Variants in MACROD2 observed in about 807,000 individuals in gnomAD.
MACROD2 encodes the protein ADP-ribose glycohydrolase MACROD2.
A neutral mutation model predicts 70.4 loss-of-function variants in MACROD2; 36 were observed. The ratio of observed to expected loss-of-function variants is 0.51; its 90% CI spans 0.39 to 0.68. The LOEUF (loss-of-function observed/expected upper bound fraction) is 0.68, where lower values mean the gene tolerates loss of function less well. MACROD2 is among the 30% of genes least tolerant of loss of function. MACROD2 has a pLI of 0.00. For synonymous variants in MACROD2, 172 were observed against 178.8 expected (o/e 0.96, Z 0.30); for missense variants, 496 against 538.4 (o/e 0.92, Z 0.78).
chr20:15,312,163 T>G lies in MACROD2; in HGVS notation c.540+82102T>G, dbSNP rs1450310080. On this transcript the variant is annotated intron_variant, in intron 6 of 17. Coordinates refer to ENST00000684519, the MANE Select transcript of MACROD2 (RefSeq NM_001351661.2). ...TCTTTGAACTATTCTTTGAACTATT[T>G]ATTAAAACTACTTGTAGGAATTTAT... is the stretch of plus-strand genomic sequence containing the variant. Among the ~76,000 whole-genome samples, 6 of 152,192 alleles carry G rather than the reference T, an allele frequency of 3.9e-5. No homozygotes were observed. In the South Asian group the frequency reaches 1.2e-3, roughly 31 times the overall value.
rs11483540 is a variant in MACROD2, at chr20:14,903,039, C to CTTT, written c.418+218097_418+218099dup. On this transcript the variant is annotated intron_variant, in intron 5 of 17. Transcript: ENST00000684519. ...CTAAAGGTTTCTTTTTTTTCTTTCC[C>CTTT]TTTTTTTTTTTTTTTTTTTGAGACA... is the stretch of plus-strand genomic sequence containing the variant. Among the ~76,000 whole-genome samples, 54 of 116,740 alleles carry CTTT rather than the reference C, an allele frequency of 4.6e-4. 1 individual carries two copies. The highest frequency in any genetic ancestry group is 1.0e-3 in the African/African-American group (30 of 30,082). The allele number at this position is 116,740 out of a possible 152,430, so 76.6% of individuals were successfully genotyped here. A position where few individuals can be genotyped will look rare whatever the true frequency, so the allele number is the denominator to read the frequency against.
intron 2 of MACROD2, among the ~76,000 whole-genome samples, chr20:14,055,040 G>C (rs1284389302): frequency 3.3e-5 from 5 of 152,108 alleles, no homozygotes; most frequent in African/African-American, 1.2e-4. Context: ...TTTTCAAACT[G>C]AGAAGCTGCT....
intron 12 of MACROD2, among the ~76,000 whole-genome samples, chr20:15,959,109 A>G (rs1457692757): frequency 6.6e-6 from 1 of 152,226 alleles, no homozygotes; most frequent in African/African-American, 2.4e-5. Flanking sequence ...AGCAGATTAA[A>G]ACAAAATCCT....
At chr20:14,649,049 G>A (rs1985542349) in intron 4 of MACROD2, among the ~76,000 whole-genome samples, 1 of 152,122 alleles carries the variant, frequency 6.6e-6, no homozygotes. Context: ...GTGTATGTTT[G>A]TGAACTCCAG....
intron 4 of MACROD2, among the ~76,000 whole-genome samples, chr20:14,659,926 A>G (rs1438978407): frequency 2.0e-5 from 3 of 152,114 alleles, no homozygotes; most frequent in Non-Finnish European, 4.4e-5. Flanking sequence ...ACCCTAAAAA[A>G]CCTTTCAAAT....
intron 5 of MACROD2, among the ~76,000 whole-genome samples, chr20:14,954,717 T>TAAATATAC (rs1226911122): frequency 0.11 from 633 of 5,838 alleles, 9 homozygotes; most frequent in Middle Eastern, 0.5. Context: ...TATAAATATA[T>TAAATATAC]AAATGTATAA....
intron 3 of MACROD2, among the ~76,000 whole-genome samples, chr20:14,305,620 A>C (rs2082513416): frequency 6.6e-6 from 1 of 152,164 alleles, no homozygotes; most frequent in Admixed American, 6.5e-5. Context: ...AAAGTTGTTG[A>C]AAGGAGTTCC....
intron 2 of MACROD2, among the ~76,000 whole-genome samples, chr20:14,083,268 C>T (rs1164625166): frequency 4.6e-5 from 7 of 151,864 alleles, no homozygotes; most frequent in African/African-American, 1.4e-4. Flanking sequence ...CCCCTCTCTC[C>T]TAAAAATAGC....
intron 3 of MACROD2, among the ~76,000 whole-genome samples, chr20:14,243,084 T>C (rs1436849664): frequency 1.3e-5 from 2 of 152,130 alleles, no homozygotes; most frequent in East Asian, 3.8e-4. Flanking sequence ...TGGGCCCTCT[T>C]TGGAGATATG....
At chr20:14,282,592 C>T (rs1313183312) in intron 3 of MACROD2, among the ~76,000 whole-genome samples, 1 of 152,076 alleles carries the variant, frequency 6.6e-6, no homozygotes, top group Admixed American at 6.6e-5. Flanking sequence ...CTTTAAATAC[C>T]GGAGACTGGG....
At chr20:15,631,834 C>T (rs1208962289) in intron 8 of MACROD2, among the ~76,000 whole-genome samples, 1 of 152,108 alleles carries the variant, frequency 6.6e-6, no homozygotes, top group Non-Finnish European at 1.5e-5. Context: ...GTGATCTGGA[C>T]ATGGGGATTT....
At chr20:14,062,552 A>G (rs2053702902) in intron 2 of MACROD2, among the ~76,000 whole-genome samples, 1 of 152,214 alleles carries the variant, frequency 6.6e-6, no homozygotes, top group South Asian at 2.1e-4. Context: ...GAAGCATTAA[A>G]GAGACATTTG....
intron 7 of MACROD2, among the ~76,000 whole-genome samples, chr20:15,453,934 T>A (rs962661263): frequency 6.6e-6 from 1 of 151,898 alleles, no homozygotes; most frequent in African/African-American, 2.4e-5. Flanking sequence ...TGTGCTGGAG[T>A]GTGGATATTA....
chr20:14,403,470 C>A (rs1332445308), intron 3 of MACROD2, among the ~76,000 whole-genome samples: 1 of 152,120 alleles, frequency 6.6e-6, no homozygotes, highest in Non-Finnish European at 1.5e-5. Flanking sequence ...TGAAACTCTT[C>A]AGTAAATGAT....
intron 4 of MACROD2, among the ~76,000 whole-genome samples, chr20:14,655,496 G>C (rs1017102438): frequency 1.3e-5 from 2 of 151,926 alleles, no homozygotes; most frequent in Non-Finnish European, 2.9e-5. Flanking sequence ...GTTTGGTCGG[G>C]TCTTGGTGTT....
chr20:14,150,679 G>A (rs6042553), intron 3 of MACROD2, among the ~76,000 whole-genome samples: 1 of 149,950 alleles, frequency 6.7e-6, no homozygotes, highest in Admixed American at 6.7e-5. Context: ...ATCTTCTTTC[G>A]GCTTTCTTTT....
At position 14,438,816 on chromosome 20, in the gene MACROD2, T is replaced by C. The variant is rs116440588; in HGVS notation, c.272-54663T>C. Among the ~76,000 whole-genome samples the C allele has an allele frequency of 6.2e-3, 945 of 152,336 alleles. 18 individuals are homozygous for C. Among genetic ancestry groups the C allele is most frequent in the African/African-American group, 0.021 (888 of 41,574 alleles). On this transcript the variant is annotated intron_variant, in intron 3 of 17. Coordinates refer to ENST00000684519, the MANE Select transcript of MACROD2 (RefSeq NM_001351661.2). The stretch of plus-strand genomic sequence containing the variant: ...TTTATAAGTCATGGATATTAACCCG[T>C]TATCTGTTGCAGGGTTTACAGTTTT...
Position 15,454,745 on chromosome 20 carries a change from A to G in MACROD2, c.571+23310A>G, listed in dbSNP as rs893944267. Among the ~76,000 whole-genome samples, 7 of 67,760 alleles carry G rather than the reference A, an allele frequency of 1.0e-4. 1 individual carries two copies. Among genetic ancestry groups the G allele is most frequent in the Non-Finnish European group, 2.2e-4 (7 of 32,476 alleles). The allele number at this position is 67,760 out of a possible 152,430, so 44.5% of individuals were successfully genotyped here. On this transcript the variant is annotated intron_variant, in intron 7 of 17. Transcript: ENST00000684519. ...TTTTTTATAAGCTTAATAGAGACCC[A>G]GACAAGCCTGAGGGATAGCTCTGTT...
chr20:14,699,685 G>A (rs1409130813), intron 5 of MACROD2, among the ~76,000 whole-genome samples: 1 of 152,156 alleles, frequency 6.6e-6, no homozygotes, highest in Non-Finnish European at 1.5e-5. Flanking sequence ...ATATATTCCA[G>A]TAATATGTAG....
Sources: allele counts gnomAD v4.1 joint callset (sites outside exome capture counted in the v4.1 genomes callset), GRCh38; gene constraint gnomAD v4.1.1; transcripts MANE v1.5; gene names NCBI Gene and HGNC (gene_info 2026-07-23, HGNC 2026-07-21).